Variants in SUPT3H observed in about 807,000 individuals in gnomAD.
SUPT3H encodes the protein SPT3 homolog, SAGA and STAGA complex component.
SUPT3H carries 44 observed loss-of-function variants against 44.3 expected under a neutral mutation model. The observed-to-expected ratio is 0.99, with a 90% CI of 0.78 to 1.28. The LOEUF (loss-of-function observed/expected upper bound fraction) is 1.28, where lower values mean the gene tolerates loss of function less well. Ranked by LOEUF, SUPT3H falls within the 50% of genes most tolerant of loss-of-function variation. The pLI, the probability that SUPT3H is intolerant of heterozygous loss-of-function variation, is 0.00. For synonymous variants in SUPT3H, 124 were observed against 125.6 expected, an observed-to-expected ratio of 0.99 and a Z score of 0.09; for missense variants, 380 against 387.1, an observed-to-expected ratio of 0.98 and a Z score of 0.15.
At chr6:45,257,956 T>A (rs1296945664) in intron 2 of SUPT3H, among the ~76,000 whole-genome samples, 2 of 152,244 alleles carry the variant, frequency 1.3e-5, no homozygotes, top group Non-Finnish European at 2.9e-5. Context: ...TTTACAGCAT[T>A]CTGTTTTTAA....
chr6:44,818,802 ACACCAAAT>A (rs1561833177), intron 11 of SUPT3H, among the ~76,000 whole-genome samples: 3 of 152,224 alleles, frequency 2.0e-5, no homozygotes, highest in African/African-American at 7.2e-5. Context: ...AATAAGCAAT[ACACCAAAT>A]GCTGGATCAT....
chr6:45,264,143 T>A, intron 2 of SUPT3H, among the ~76,000 whole-genome samples: 1 of 152,096 alleles, frequency 6.6e-6, no homozygotes, highest in East Asian at 1.9e-4. Flanking sequence ...GAAAAAGAAA[T>A]GAAAACACTT....
intron 2 of SUPT3H, among the ~76,000 whole-genome samples, chr6:45,288,077 A>T (rs1425149857): frequency 6.6e-6 from 1 of 152,124 alleles, no homozygotes; most frequent in Non-Finnish European, 1.5e-5. Context: ...TCTTACTAGA[A>T]CTTACCTAAT....
At chr6:45,314,684 G>T (rs1205943238) in intron 2 of SUPT3H, among the ~76,000 whole-genome samples, 3 of 152,114 alleles carry the variant, frequency 2.0e-5, no homozygotes, top group Non-Finnish European at 1.5e-5. Context: ...CGGATGGCCA[G>T]AATCAGTATT....
intron 3 of SUPT3H, among the ~76,000 whole-genome samples, chr6:45,029,459 T>C (rs1786585434): frequency 6.6e-6 from 1 of 151,596 alleles, no homozygotes; most frequent in East Asian, 1.9e-4. Flanking sequence ...TTAAAAAATA[T>C]CCAATAAACA....
At chr6:44,870,542 C>T (rs1357768972) in intron 10 of SUPT3H, among the ~76,000 whole-genome samples, 1 of 147,022 alleles carries the variant, frequency 6.8e-6, no homozygotes, top group Non-Finnish European at 1.5e-5. Context: ...GAGGCTGCAG[C>T]GAGCCGGGAC....
At chr6:45,047,778 C>T (rs2153534021) in intron 3 of SUPT3H, among the ~76,000 whole-genome samples, 1 of 152,180 alleles carries the variant, frequency 6.6e-6, no homozygotes, top group Admixed American at 6.5e-5. Context: ...TTTTTGACGA[C>T]AGCCATTCTA....
intron 10 of SUPT3H, among the ~76,000 whole-genome samples, chr6:44,890,113 G>A (rs1763038846): frequency 6.6e-6 from 1 of 151,382 alleles, no homozygotes; most frequent in South Asian, 2.1e-4. Flanking sequence ...GAAGCAACAC[G>A]TGCTGGAGAG....
intron 2 of SUPT3H, among the ~76,000 whole-genome samples, chr6:45,111,801 C>A (rs1402491975): frequency 6.6e-6 from 1 of 152,074 alleles, no homozygotes; most frequent in Middle Eastern, 3.4e-3. Context: ...GGCCCCCCCA[C>A]CCCCACTCAG....
chr6:44,916,380 C>G (rs1767805258), intron 10 of SUPT3H, among the ~76,000 whole-genome samples: 2 of 152,132 alleles, frequency 1.3e-5, no homozygotes, highest in Non-Finnish European at 2.9e-5. Flanking sequence ...TTACCATACC[C>G]TTACTGCCTC....
At chr6:45,101,882 T>C (rs908839077) in intron 3 of SUPT3H, among the ~76,000 whole-genome samples, 4 of 152,102 alleles carry the variant, frequency 2.6e-5, no homozygotes, top group Non-Finnish European at 4.4e-5. Context: ...AAAGGGAGTA[T>C]GAATCCAGGA....
At chr6:45,090,387 G>T (rs1426565504) in intron 3 of SUPT3H, among the ~76,000 whole-genome samples, 2 of 151,962 alleles carry the variant, frequency 1.3e-5, no homozygotes, top group African/African-American at 4.8e-5. Context: ...AAAACTTTCA[G>T]TTCCTGACTA....
At chr6:44,930,391 A>G (rs9717825) in intron 10 of SUPT3H, among the ~76,000 whole-genome samples, 3 of 140,140 alleles carry the variant, frequency 2.1e-5, no homozygotes, top group Non-Finnish European at 3.1e-5. Flanking sequence ...AAAAAAAAAA[A>G]GAAAAAAAAA....
chr6:44,882,547 C>T lies in SUPT3H; in HGVS notation c.912+50106G>A, dbSNP rs569946725. ...TTAAATCATTTTATGAGGCCAGCAT[C>T]ATCCTGATACCAAAACCTGGAAGAG... On this transcript the variant is annotated intron_variant, in intron 10 of 10. Coordinates refer to ENST00000371459, the MANE Select transcript of SUPT3H (RefSeq NM_003599.4). Among the ~76,000 whole-genome samples, 7 of 152,302 alleles carry T rather than the reference C, an allele frequency of 4.6e-5. No individual in the cohort carries two copies. In the East Asian group the frequency reaches 1.4e-3, roughly 29 times the overall value.
At position 45,373,008 on chromosome 6, in the gene SUPT3H, T is replaced by G. The variant is rs6930090; in HGVS notation, c.-1+4760A>C. ...ATTTTTAGTAGACAGAGTTTCACCA[T>G]GTTGGCCAGGCTGGTCTCAAACTCC... is the stretch of plus-strand genomic sequence containing the variant. On this transcript the variant is annotated intron_variant, in intron 1 of 10. Transcript: ENST00000371459. 8.7e-3 allele frequency among the ~76,000 whole-genome samples: 1,319 copies of G among 152,266 alleles called. 21 individuals carry two copies. The highest frequency in any genetic ancestry group is 0.03 in the African/African-American group (1,248 of 41,540).
At chr6:45,331,122 T>TGC (rs769276448) in intron 2 of SUPT3H, among the ~76,000 whole-genome samples, 1 of 149,810 alleles carries the variant, frequency 6.7e-6, no homozygotes, top group Non-Finnish European at 1.5e-5. Context: ...TGTGTGTGTG[T>TGC]GTGTGCGCGC....
intron 2 of SUPT3H, chr6:45,159,200 AACTT>A (rs1808524185): frequency 6.6e-6 from 1 of 152,192 alleles, no homozygotes. Context: ...AGCTGTACTT[AACTT>A]ACTGTCAATG....
At chr6:44,984,573 C>A (rs181276189) in intron 6 of SUPT3H, among the ~76,000 whole-genome samples, 1 of 152,030 alleles carries the variant, frequency 6.6e-6, no homozygotes, top group East Asian at 1.9e-4. Context: ...AGCATCTTTG[C>A]GATCCCCAGT....
At chr6:45,171,159 A>C (rs1810701768) in intron 2 of SUPT3H, among the ~76,000 whole-genome samples, 1 of 152,184 alleles carries the variant, frequency 6.6e-6, no homozygotes, top group Non-Finnish European at 1.5e-5. Context: ...AAATTTCTGA[A>C]ATGTATTCAT....
Sources: gnomAD v4.1 joint callset for allele counts (sites outside exome capture counted in the v4.1 genomes callset) on GRCh38, gnomAD v4.1.1 for gene constraint, MANE v1.5 for transcripts, NCBI Gene and HGNC (gene_info 2026-07-23, HGNC 2026-07-21) for gene names.